The following MEX3D variants were observed in gnomAD, a reference collection of about 807,000 sequenced individuals.
MEX3D encodes the protein mex-3 RNA binding family member D, also known as RNA-binding protein MEX3D.
In MEX3D, 4 loss-of-function variants were observed where a neutral mutation model predicts 6.3. That is an observed-to-expected ratio of 0.64 (90% CI 0.31 to 1.46). The LOEUF is 1.46. Ranked by LOEUF, MEX3D falls within the 40% of genes most tolerant of loss-of-function variation. The pLI is 0.07. For missense variants in MEX3D, 1,038 were observed against 994.4 expected, an observed-to-expected ratio of 1.04 and a Z score of -0.59; for synonymous variants, 626 against 494.1, an observed-to-expected ratio of 1.27 and a Z score of -3.54.
At chr19:1,557,722 G>A (rs1022321771) in intron 1 of MEX3D, among the ~76,000 whole-genome samples, 38 of 148,930 alleles carry the variant, frequency 2.6e-4, no homozygotes, top group African/African-American at 9.1e-4. Flanking sequence ...AGCCAGGCGT[G>A]GTGGCAGGCA....
rs1403665930 is a variant in MEX3D at position 1,556,534 on chromosome 19, G to A, written c.985C>T (p.Arg329Cys). 1.9e-6 allele frequency: 3 copies of A among 1,606,794 alleles called. No individual in the cohort carries two copies. The highest frequency in any genetic ancestry group is 2.5e-6 in the Non-Finnish European group (3 of 1,177,428). Residue 329 changes from arginine to cysteine, a missense_variant, in exon 2 of 2, where the codon CGC (arginine) becomes TGC (cysteine). Physicochemically the swap from Arg to Cys is radical, Grantham distance 180 (BLOSUM62 -3). This residue lies in a region of MEX3D where 65 missense variants were observed against 109.3 expected (regional missense o/e 0.59). Coordinates refer to ENST00000402693, the MANE Select transcript of MEX3D (RefSeq NM_203304.4). This position sits in a 1 kb window ranked among gnomAD's most constrained non-coding sequence, Gnocchi z 7.5. ...AVTGMPENVD[R>C]AREEIEAHIT... ...TGCGCCTCGATCTCCTCGCGCGCGC[G>A]GTCCACGTTCTCGGGCATCCCAGTG...
chr19:1,562,724 A>ACAAGAAAC, intron 1 of MEX3D, among the ~76,000 whole-genome samples: 1 of 151,898 alleles, frequency 6.6e-6, no homozygotes. Flanking sequence ...AACAACAACA[A>ACAAGAAAC]CAAGAAACCG....
Position 1,567,626 on chromosome 19 carries a change from C to CG in MEX3D, c.432dup (p.Asp145ArgfsTer95). ...TGGGGCGCGAAGCCCGCGAACACGT[C>CG]GGGGGGCGACGGCCGGGGCGGCGGC... On this transcript the variant is annotated frameshift_variant, in exon 1 of 2. Transcript: ENST00000402693. LOFTEE classifies it high-confidence loss of function. This position sits in a 1 kb window ranked among gnomAD's most constrained non-coding sequence, Gnocchi z 6.5. The CG allele has an allele frequency of 7.8e-7, 1 of 1,281,200 alleles. No individual in the cohort carries two copies. The highest frequency in any genetic ancestry group is 9.9e-7 in the Non-Finnish European group (1 of 1,008,750). The allele number at this position is 1,281,200 out of a possible 1,614,324, so 79.4% of individuals were successfully genotyped here.
chr19:1,555,427 C>A lies in MEX3D; in HGVS notation c.*136G>T, dbSNP rs533812743. On this transcript the variant is annotated 3_prime_UTR_variant, in exon 2 of 2. Coordinates refer to ENST00000402693, the MANE Select transcript of MEX3D (RefSeq NM_203304.4). ...TTAAAGCTCATCTGTAAACACTGGCCGCCGCCCACCCCCCTGCCCCCTCGG... is the reference window on the plus strand; with the variant it reads ...TTAAAGCTCATCTGTAAACACTGGCAGCCGCCCACCCCCCTGCCCCCTCGG... 1.5e-5 allele frequency: 24 copies of A among 1,556,690 alleles called. No individual in the cohort carries two copies. The East Asian group carries it at 3.6e-4, about 23-fold the overall frequency.
At chr19:1,566,090 G>A (rs985049414) in intron 1 of MEX3D, among the ~76,000 whole-genome samples, 11 of 152,226 alleles carry the variant, frequency 7.2e-5, no homozygotes, top group African/African-American at 2.7e-4. Context: ...TAGGCCCTGG[G>A]TATGGGACAT....
chr19:1,567,856 G>A lies in MEX3D; in HGVS notation c.203C>T (p.Ala68Val). The A allele has an allele frequency of 1.0e-6, 1 of 1,002,616 alleles. No homozygotes were observed. Among genetic ancestry groups the A allele is most frequent in the South Asian group, 4.1e-5 (1 of 24,642 alleles). The allele number at this position is 1,002,616 out of a possible 1,614,324, so 62.1% of individuals were successfully genotyped here. ...ALRLALDQLS[A>V]LGLGGAGDTD... ...GTCGCCAGCGCCCCCCAGCCCGAGCGCCGACAGCTGGTCCAGCGCCAGGCG... is the reference window on the plus strand; with the variant it reads ...GTCGCCAGCGCCCCCCAGCCCGAGCACCGACAGCTGGTCCAGCGCCAGGCG... The change falls in exon 1 of 2, where the codon GCG becomes GTG. Residue 68 changes from alanine (A) to valine (V), a missense_variant. Ala to Val is a moderately conservative substitution (Grantham distance 64). This residue lies in a region of MEX3D where 265 missense variants were observed against 206.3 expected (regional missense o/e 1.28). Coordinates refer to ENST00000402693, the MANE Select transcript of MEX3D (RefSeq NM_203304.4). The surrounding 1 kb of genome is among the most constrained non-coding windows in gnomAD (Gnocchi z 6.5).
intron 1 of MEX3D, among the ~76,000 whole-genome samples, chr19:1,558,862 G>C (rs549813128): frequency 1.3e-5 from 2 of 152,304 alleles, no homozygotes; most frequent in Admixed American, 6.5e-5. Flanking sequence ...CCTGGTGAGG[G>C]ACATGAGTGT....
chr19:1,562,009 C>G (rs917982693), intron 1 of MEX3D, among the ~76,000 whole-genome samples: 1 of 147,534 alleles, frequency 6.8e-6, no homozygotes, highest in Admixed American at 6.7e-5. Context: ...CACCTGTAAT[C>G]CCAGCACTTT....
chr19:1,557,162 G>A (rs890754566), intron 1 of MEX3D, among the ~76,000 whole-genome samples: 6 of 152,208 alleles, frequency 3.9e-5, no homozygotes, highest in Non-Finnish European at 7.3e-5. Context: ...TGAAAGGTGT[G>A]CGCCATAATT....
intron 1 of MEX3D, 119 bp from the exon 2 acceptor site, chr19:1,557,042 C>G: frequency 8.1e-7 from 1 of 1,237,106 alleles, no homozygotes; most frequent in Non-Finnish European, 1.1e-6. Flanking sequence ...CTGTGCCCAA[C>G]AACACTTTAT....
In MEX3D at chr19:1,556,469, G is replaced by T. The variant is rs777460785; in HGVS notation, c.1050C>A (p.Pro350=). The change falls in exon 2 of 2, where the codon CCC becomes CCA. Residue 350 remains proline, a synonymous_variant. Coordinates refer to ENST00000402693, the MANE Select transcript of MEX3D (RefSeq NM_203304.4). This position sits in a 1 kb window ranked among gnomAD's most constrained non-coding sequence, Gnocchi z 7.5. ...LRTGAFTDAG[P]DSDFHANGTD... Reference sequence around the variant, plus strand: ...TGCCGTTGGCGTGGAAGTCGCTGTCGGGGCCCGCGTCGGTGAAGGCGCCAG... The same window carrying T: ...TGCCGTTGGCGTGGAAGTCGCTGTCTGGGCCCGCGTCGGTGAAGGCGCCAG... 1.9e-6 allele frequency: 3 copies of T among 1,600,652 alleles called. No homozygotes were observed. In the African/African-American group the frequency reaches 4.0e-5, roughly 21 times the overall value.
Position 1,556,188 on chromosome 19 carries a change from C to CCCACCGGG in MEX3D, c.1323_1330dup (p.Gly444AlafsTer24), listed in dbSNP as rs1914547053. The CCCACCGGG allele has an allele frequency of 6.9e-7, 1 of 1,454,308 alleles. No individual in the cohort carries two copies. The highest frequency in any genetic ancestry group is 9.1e-7 in the Non-Finnish European group (1 of 1,103,450). 90.1% of individuals were successfully genotyped at this position (1,454,308 alleles called of 1,614,324 possible). ...GTCGCAGTCGTCGGGGGCGGCCGTC[C>CCCACCGGG]CCACCGGGGCACCGGGACCCTCCGC... is the stretch of plus-strand genomic sequence containing the variant. On this transcript the variant is annotated frameshift_variant, in exon 2 of 2. Transcript: ENST00000402693. LOFTEE classifies it low-confidence loss of function (END_TRUNC). This position sits in a 1 kb window ranked among gnomAD's most constrained non-coding sequence, Gnocchi z 7.5.
rs925696234 is a variant in MEX3D, at chr19:1,567,042, G to A, written c.595+422C>T. 3.7e-4 allele frequency among the ~76,000 whole-genome samples: 57 copies of A among 152,206 alleles called. 1 individual carries two copies. Among genetic ancestry groups the A allele is most frequent in the Admixed American group, 1.2e-3 (19 of 15,288 alleles). ...AGCCTTCTCTCCCGGTCCTGCAGGC[G>A]GCCCCCCTAAGCCACCCCTAAACCT... On this transcript the variant is annotated intron_variant, in intron 1 of 1. Transcript: ENST00000402693. The surrounding 1 kb of genome is among the most constrained non-coding windows in gnomAD (Gnocchi z 6.5).
At chr19:1,564,241 T>C (rs1467285822) in intron 1 of MEX3D, among the ~76,000 whole-genome samples, 1 of 151,912 alleles carries the variant, frequency 6.6e-6, no homozygotes, top group Admixed American at 6.6e-5. Context: ...TCAATAAAGA[T>C]CTAGCCAATG....
At position 1,555,436 on chromosome 19, in the gene MEX3D, C is replaced by CCCCCCCTG. The variant is rs1599320737; in HGVS notation, c.*126_*127insCAGGGGGG. 7.2e-7 allele frequency: 1 copy of CCCCCCCTG among 1,381,754 alleles called. No individual in the cohort carries two copies. Among genetic ancestry groups the CCCCCCCTG allele is most frequent in the East Asian group, 3.2e-5 (1 of 30,800 alleles). 85.6% of individuals were successfully genotyped at this position (1,381,754 alleles called of 1,614,324 possible). Reference sequence around the variant, plus strand: ...ATCTGTAAACACTGGCCGCCGCCCACCCCCCTGCCCCCTCGGCCTCCGCCC... The same window carrying CCCCCCCTG: ...ATCTGTAAACACTGGCCGCCGCCCACCCCCCCTGCCCCCTGCCCCCTCGGCCTCCGCCC... On this transcript the variant is annotated 3_prime_UTR_variant, in exon 2 of 2. Transcript: ENST00000402693.
In MEX3D at chr19:1,556,123, C is replaced by T. The variant is rs746536465; in HGVS notation, c.1396G>A (p.Val466Met). Reference sequence around the variant, plus strand: ...GCCCAGATGGTGGCCGCGGCGGGCACGGTCAGGTCCAGCGCCAGGAAGTCG... The same window carrying T: ...GCCCAGATGGTGGCCGCGGCGGGCATGGTCAGGTCCAGCGCCAGGAAGTCG... ...DFDFLALDLT[V>M]PAAATIWAPF... The change falls in exon 2 of 2, where the codon GTG becomes ATG. Residue 466 changes from valine to methionine, a missense_variant. By Grantham distance (21) the Val-to-Met change is conservative. Coordinates refer to ENST00000402693, the MANE Select transcript of MEX3D (RefSeq NM_203304.4). The surrounding 1 kb of genome is among the most constrained non-coding windows in gnomAD (Gnocchi z 7.5). 2.7e-6 allele frequency: 4 copies of T among 1,460,896 alleles called. No individual in the cohort carries two copies. Among genetic ancestry groups the T allele is most frequent in the South Asian group, 1.2e-5 (1 of 80,510 alleles). The allele number at this position is 1,460,896 out of a possible 1,614,324, so 90.5% of individuals were successfully genotyped here.
chr19:1,557,835 T>C (rs1914613217), intron 1 of MEX3D, among the ~76,000 whole-genome samples: 1 of 109,694 alleles, frequency 9.1e-6, no homozygotes, highest in African/African-American at 3.6e-5. Flanking sequence ...CACTCCAGCC[T>C]GGGTGACAGA....
At chr19:1,561,586 C>T (rs1023027522) in intron 1 of MEX3D, among the ~76,000 whole-genome samples, 15 of 152,108 alleles carry the variant, frequency 9.9e-5, no homozygotes, top group Admixed American at 2.6e-4. Context: ...TACGTAGTTC[C>T]GGCACTTTGG....
At chr19:1,564,419 C>T (rs1914789669) in intron 1 of MEX3D, among the ~76,000 whole-genome samples, 1 of 150,970 alleles carries the variant, frequency 6.6e-6, no homozygotes, top group African/African-American at 2.4e-5. Flanking sequence ...TGTAATCCCA[C>T]ATACTAGGGG....
Sources: gnomAD v4.1 joint callset for allele counts (sites outside exome capture counted in the v4.1 genomes callset) on GRCh38, gnomAD v4.1.1 for gene constraint, gnomAD v4.1.1 regional missense constraint, Gnocchi (gnomAD v3.1) non-coding constraint, MANE v1.5 for transcripts, NCBI Gene and HGNC (gene_info 2026-07-23, HGNC 2026-07-21) for gene names.